The following OR2Z1 variants were observed in gnomAD, a reference collection of about 807,000 sequenced individuals.
OR2Z1 encodes olfactory receptor 2Z1.
For missense variants in OR2Z1, 449 were observed against 401.8 expected, an observed-to-expected ratio of 1.12 and a Z score of -1.00; for synonymous variants, 188 against 160.6, an observed-to-expected ratio of 1.17 and a Z score of -1.29.
intron 2 of OR2Z1, chr19:8,728,670 T>C (rs1398229242): frequency 1.6e-5 from 8 of 498,282 alleles, no homozygotes; most frequent in Admixed American, 1.4e-4. Flanking sequence ...TAGTACCCAA[T>C]AGGTAGTTTT....
intron 2 of OR2Z1, among the ~76,000 whole-genome samples, chr19:8,727,549 T>TATA (rs1161122415): frequency 1.4e-4 from 22 of 151,802 alleles, no homozygotes; most frequent in Non-Finnish European, 2.2e-4. Flanking sequence ...AAACTTAAAG[T>TATA]ATAATAATAA....
chr19:8,730,895 C>G lies in OR2Z1; in HGVS notation c.-134C>G, dbSNP rs2043349587. On this transcript the variant is annotated 5_prime_UTR_variant, in exon 3 of 3. Coordinates refer to ENST00000641125, the MANE Select transcript of OR2Z1 (RefSeq NM_001004699.3). Reference sequence around the variant, plus strand: ...CTAGCTGCAGCCTCATTACTCTTCTCAAGACACCATCCCAGGAAGCCACTA... The same window carrying G: ...CTAGCTGCAGCCTCATTACTCTTCTGAAGACACCATCCCAGGAAGCCACTA... 1.5e-6 allele frequency: 1 copy of G among 673,534 alleles called. No homozygotes were observed. The highest frequency in any genetic ancestry group is 2.6e-6 in the Non-Finnish European group (1 of 392,110). 41.7% of individuals were successfully genotyped at this position (673,534 alleles called of 1,614,324 possible).
At position 8,729,090 on chromosome 19, in the gene OR2Z1, C is replaced by G. The variant is rs182484859; in HGVS notation, c.-169-1770C>G. 298 of 1,146,120 alleles carry G rather than the reference C, an allele frequency of 2.6e-4. 5 individuals are homozygous for G. The East Asian group carries it at 7.3e-3, about 28-fold the overall frequency. The allele number at this position is 1,146,120 out of a possible 1,614,324, so 71.0% of individuals were successfully genotyped here. On this transcript the variant is annotated intron_variant, in intron 2 of 2. Transcript: ENST00000641125. ...CTGGAAGGTGGGTGACATGTGGGATCTTTTTTTTAGTGGCTGTGGACACCT... is the reference window on the plus strand; with the variant it reads ...CTGGAAGGTGGGTGACATGTGGGATGTTTTTTTTAGTGGCTGTGGACACCT...
rs1555756651 is a variant in OR2Z1 at position 8,730,938 on chromosome 19, G to C, written c.-91G>C. 6 of 942,134 alleles carry C rather than the reference G, an allele frequency of 6.4e-6. No homozygotes were observed. The highest frequency in any genetic ancestry group is 1.6e-5 in the African/African-American group (1 of 60,978). The allele number at this position is 942,134 out of a possible 1,614,324, so 58.4% of individuals were successfully genotyped here. A position where few individuals can be genotyped will look rare whatever the true frequency, so the allele number is the denominator to read the frequency against. On this transcript the variant is annotated 5_prime_UTR_variant, in exon 3 of 3. Coordinates refer to ENST00000641125, the MANE Select transcript of OR2Z1 (RefSeq NM_001004699.3). ...AGCCACTACCAATCAATGATGATTG[G>C]CATGTGAGATGAAAATTATTTGCCA...
intron 1 of OR2Z1, among the ~76,000 whole-genome samples, chr19:8,722,683 G>A (rs576116645): frequency 7.9e-5 from 12 of 152,116 alleles, no homozygotes; most frequent in African/African-American, 2.9e-4. Flanking sequence ...GAGGTTGGAT[G>A]GGTGGAACAT....
At position 8,732,040 on chromosome 19, in the gene OR2Z1, T is replaced by C; in HGVS notation, c.*67T>C. ...CCACCCACCTTCCCAAAGTATGCAT[T>C]TGGCATTCAATTGCCAATTTGTGCA... On this transcript the variant is annotated 3_prime_UTR_variant, in exon 3 of 3. Coordinates refer to ENST00000641125, the MANE Select transcript of OR2Z1 (RefSeq NM_001004699.3). 1 of 1,297,582 alleles carries C rather than the reference T, an allele frequency of 7.7e-7. No homozygotes were observed. The highest frequency in any genetic ancestry group is 1.1e-6 in the Non-Finnish European group (1 of 930,838). The allele number at this position is 1,297,582 out of a possible 1,614,324, so 80.4% of individuals were successfully genotyped here.
In OR2Z1 at chr19:8,722,000, G is replaced by C. The variant is rs1337543555; in HGVS notation, c.-257G>C. On this transcript the variant is annotated 5_prime_UTR_variant, in exon 1 of 3. Coordinates refer to ENST00000641125, the MANE Select transcript of OR2Z1 (RefSeq NM_001004699.3). Reference sequence around the variant, plus strand: ...AGCTCAGGATCTGAAATCAAACTGGGTTCAAATCCCAGTCTACCCTCTTCT... The same window carrying C: ...AGCTCAGGATCTGAAATCAAACTGGCTTCAAATCCCAGTCTACCCTCTTCT... 1 of 152,142 alleles carries C rather than the reference G, an allele frequency of 6.6e-6. No homozygotes were observed. Among genetic ancestry groups the C allele is most frequent in the African/African-American group, 2.4e-5 (1 of 41,436 alleles). 9.4% of individuals were successfully genotyped at this position (152,142 alleles called of 1,614,324 possible).
chr19:8,731,304 C>A lies in OR2Z1; in HGVS notation c.276C>A (p.Thr92=), dbSNP rs374827777. 1 of 1,614,058 alleles carries A rather than the reference C, an allele frequency of 6.2e-7. No individual in the cohort carries two copies. The highest frequency in any genetic ancestry group is 1.3e-5 in the African/African-American group (1 of 74,930). The part of the protein sequence containing the change: ...ASDFLRGEGA[T]SYGGGAAQIF... ...ACTTTCTGCGGGGAGAAGGTGCCAC[C>A]TCCTATGGAGGTGGTGCAGCTCAAA... is the stretch of plus-strand genomic sequence containing the variant. Residue 92 remains threonine, a synonymous_variant, in exon 3 of 3, where the codon ACC becomes ACA. Coordinates refer to ENST00000641125, the MANE Select transcript of OR2Z1 (RefSeq NM_001004699.3).
In OR2Z1 at chr19:8,731,211, C is replaced by A. The variant is rs782596498; in HGVS notation, c.183C>A (p.Phe61Leu). The change falls in exon 3 of 3, where the codon TTC becomes TTA. Residue 61 changes from phenylalanine (F) to leucine (L), a missense_variant. Transcript: ENST00000641125. ...VDSRLHTPMY[F>L]LLSQLSLFDI... ...CCCGGCTCCACACACCCATGTACTT[C>A]CTGCTCAGCCAGCTCTCCCTGTTTG... The A allele has an allele frequency of 4.3e-6, 7 of 1,614,094 alleles. 1 individual carries two copies. The South Asian group carries it at 7.7e-5, about 18-fold the overall frequency.
At chr19:8,729,601 T>A (rs1458369432) in intron 2 of OR2Z1, among the ~76,000 whole-genome samples, 39 of 151,942 alleles carry the variant, frequency 2.6e-4, no homozygotes, top group Middle Eastern at 3.4e-3. Flanking sequence ...AGATGGTTTT[T>A]TTTTTTTTGA....
intron 2 of OR2Z1, among the ~76,000 whole-genome samples, chr19:8,725,692 A>G (rs1555756096): frequency 6.6e-6 from 1 of 152,234 alleles, no homozygotes; most frequent in Non-Finnish European, 1.5e-5. Context: ...AGTAGTATAA[A>G]GCAGGCAATT....
At position 8,732,094 on chromosome 19, in the gene OR2Z1, G is replaced by C; in HGVS notation, c.*121G>C. On this transcript the variant is annotated 3_prime_UTR_variant, in exon 3 of 3. Coordinates refer to ENST00000641125, the MANE Select transcript of OR2Z1 (RefSeq NM_001004699.3). ...GGCCAAATATCCAGCCATTGCCCAAGGTGCAACTTTTTGAGAAAATGTCTG... is the reference window on the plus strand; with the variant it reads ...GGCCAAATATCCAGCCATTGCCCAACGTGCAACTTTTTGAGAAAATGTCTG... 1 of 735,958 alleles carries C rather than the reference G, an allele frequency of 1.4e-6. No individual in the cohort carries two copies. Among genetic ancestry groups the C allele is most frequent in the Non-Finnish European group, 2.3e-6 (1 of 444,004 alleles). The allele number at this position is 735,958 out of a possible 1,614,324, so 45.6% of individuals were successfully genotyped here.
chr19:8,728,594 T>A, intron 2 of OR2Z1: 1 of 390,702 alleles, frequency 2.6e-6, no homozygotes, highest in South Asian at 2.1e-5. Context: ...GCAAGGTGTG[T>A]TACATGGATA....
intron 1 of OR2Z1, among the ~76,000 whole-genome samples, chr19:8,722,776 G>A (rs782058528): frequency 5.3e-5 from 8 of 152,072 alleles, no homozygotes; most frequent in Non-Finnish European, 7.4e-5. Context: ...GCCAAGATGG[G>A]GAGGTATTAT....
chr19:8,722,610 T>C (rs1383909846), intron 1 of OR2Z1, among the ~76,000 whole-genome samples: 1 of 152,170 alleles, frequency 6.6e-6, no homozygotes, highest in East Asian at 1.9e-4. Context: ...CCAGCCCAGA[T>C]TAGAGTAAGT....
chr19:8,731,887 C>G lies in OR2Z1; in HGVS notation c.859C>G (p.Pro287Ala), dbSNP rs782360199. 2 of 1,614,090 alleles carry G rather than the reference C, an allele frequency of 1.2e-6. No individual in the cohort carries two copies. Among genetic ancestry groups the G allele is most frequent in the African/African-American group, 2.7e-5 (2 of 74,938 alleles). The change falls in exon 3 of 3, where the codon CCC becomes GCC. Residue 287 changes from proline to alanine, a missense_variant. Physicochemically the swap from Pro to Ala is conservative, Grantham distance 27. Coordinates refer to ENST00000641125, the MANE Select transcript of OR2Z1 (RefSeq NM_001004699.3). ...FYSLVTPTLNPLIYSLRNPEV... is the reference protein window; with the variant it reads ...FYSLVTPTLNALIYSLRNPEV... ...TAGCCTTGTCACCCCTACACTCAAC[C>G]CCCTTATCTACAGTCTGAGGAATCC...
chr19:8,730,284 C>A (rs1555756575), intron 2 of OR2Z1, among the ~76,000 whole-genome samples: 1 of 152,174 alleles, frequency 6.6e-6, no homozygotes, highest in East Asian at 1.9e-4. Flanking sequence ...TGTTTTCTTA[C>A]TTAGCTTGTT....
Position 8,731,117 on chromosome 19 carries a change from TGGTGGCTGTC to T in OR2Z1, c.90_99del (p.Val31CysfsTer4). 6.2e-7 allele frequency: 1 copy of T among 1,614,172 alleles called. No homozygotes were observed. Among genetic ancestry groups the T allele is most frequent in the Non-Finnish European group, 8.5e-7 (1 of 1,180,022 alleles). On this transcript the variant is annotated frameshift_variant, in exon 3 of 3. Transcript: ENST00000641125. LOFTEE classifies it low-confidence loss of function (END_TRUNC). ...GGATCACGCCAGCTCCTCTTCTCCC[TGGTGGCTGTC>T]ATGTTTGTCATAGGCCTTCTGGGCA...
intron 2 of OR2Z1, among the ~76,000 whole-genome samples, chr19:8,723,682 T>TG (rs1325811763): frequency 1.1e-4 from 16 of 150,246 alleles, no homozygotes; most frequent in Non-Finnish European, 2.1e-4. Context: ...AAACCAGTGG[T>TG]GGGGCGATGA....
Sources: allele counts gnomAD v4.1 joint callset (sites outside exome capture counted in the v4.1 genomes callset), GRCh38; gene constraint gnomAD v4.1.1; transcripts MANE v1.5; gene names NCBI Gene and HGNC (gene_info 2026-07-23, HGNC 2026-07-21).